The following RANBP2 variants were observed in gnomAD, a reference collection of about 807,000 sequenced individuals.
The protein encoded by RANBP2 is RAN binding protein 2, also known as E3 SUMO-protein ligase RanBP2.
A neutral mutation model predicts 303.6 loss-of-function variants in RANBP2; 57 were observed. The ratio of observed to expected loss-of-function variants is 0.19; its 90% CI spans 0.15 to 0.23. The LOEUF is 0.23. Ranked by LOEUF, RANBP2 falls within the 10% of genes least tolerant of loss-of-function variation. RANBP2 has a pLI of 1.00. For missense variants in RANBP2, 3,138 were observed against 3,780.8 expected, an observed-to-expected ratio of 0.83 and a Z score of 4.46; for synonymous variants, 1,167 against 1,301.5, an observed-to-expected ratio of 0.90 and a Z score of 2.23.
chr2:109,311,751 G>T, the RANBP2 span, among the ~76,000 whole-genome samples: 47,481 of 152,112 alleles, frequency 0.31, 9,196 homozygotes, highest in African/African-American at 0.55. Flanking sequence ...TGAAAAGGGC[G>T]CTAATTTCAA....
At chr2:108,748,808 T>C in intron 8 of RANBP2, 112 bp from the exon 9 acceptor site, 1 of 1,600,246 alleles carries the variant, frequency 6.2e-7, no homozygotes, top group Non-Finnish European at 8.5e-7. Context: ...GGTTGGAGGG[T>C]TAGGTATGCA....
chr2:108,842,156 T>TC, the RANBP2 span, among the ~76,000 whole-genome samples: 40 of 152,108 alleles, frequency 2.6e-4, no homozygotes, highest in African/African-American at 9.6e-4. Context: ...GCCTCCTGTG[T>TC]AGCTAGGATT....
the RANBP2 span, among the ~76,000 whole-genome samples, chr2:109,199,597 T>TCTTCC: frequency 3.6e-3 from 1 of 274 alleles, no homozygotes; most frequent in Non-Finnish European, 6.8e-3. Context: ...TGGAATGGAA[T>TCTTCC]GGAATGGAAT....
chr2:109,221,576 C>T, the RANBP2 span, among the ~76,000 whole-genome samples: 1 of 128,866 alleles, frequency 7.8e-6, no homozygotes, highest in South Asian at 2.4e-4. Flanking sequence ...GGTGAGACTC[C>T]ATCTCAAAAA....
the RANBP2 span, among the ~76,000 whole-genome samples, chr2:109,029,356 A>C: frequency 6.6e-6 from 1 of 151,988 alleles, no homozygotes; most frequent in South Asian, 2.1e-4. Flanking sequence ...CAGGAGAGGG[A>C]TGATGAGGGA....
the RANBP2 span, among the ~76,000 whole-genome samples, chr2:109,690,090 C>G: frequency 0.068 from 10,289 of 152,148 alleles, 452 homozygotes; most frequent in South Asian, 0.19. Context: ...ACTGTGAACC[C>G]TGAATGTATC....
the RANBP2 span, among the ~76,000 whole-genome samples, chr2:109,369,702 C>T: frequency 1.3e-5 from 2 of 152,194 alleles, no homozygotes; most frequent in Non-Finnish European, 2.9e-5. Flanking sequence ...AGAGCCCAGC[C>T]TGCCCTCCTT....
chr2:109,576,347 C>T, the RANBP2 span, among the ~76,000 whole-genome samples: 2 of 151,982 alleles, frequency 1.3e-5, no homozygotes, highest in African/African-American at 4.8e-5. Context: ...AATCATCCTG[C>T]CTTGGCCTCC....
chr2:109,544,150 T>C, the RANBP2 span: 1 of 1,551,306 alleles, frequency 6.4e-7, no homozygotes, highest in African/African-American at 1.4e-5. Flanking sequence ...GTATTGACCT[T>C]GTACTTGAAA....
At chr2:109,157,872 T>C in the RANBP2 span, among the ~76,000 whole-genome samples, 1 of 152,066 alleles carries the variant, frequency 6.6e-6, no homozygotes, top group African/African-American at 2.4e-5. Context: ...ACAGCTCTCC[T>C]AGGAGACCCT....
intron 25 of RANBP2, among the ~76,000 whole-genome samples, chr2:108,779,936 C>G (rs140488246): frequency 1.3e-5 from 2 of 152,022 alleles, no homozygotes; most frequent in Non-Finnish European, 2.9e-5. Flanking sequence ...CATGTTTAGG[C>G]CATTGTGGCT....
At chr2:108,921,343 A>T in the RANBP2 span, among the ~76,000 whole-genome samples, 1 of 152,212 alleles carries the variant, frequency 6.6e-6, no homozygotes, top group Admixed American at 6.5e-5. Context: ...TGTCATCCTC[A>T]GCCAGGGGCC....
At chr2:109,548,595 G>A in the RANBP2 span, among the ~76,000 whole-genome samples, 3 of 151,960 alleles carry the variant, frequency 2.0e-5, no homozygotes, top group African/African-American at 7.2e-5. Flanking sequence ...GGGCAACACG[G>A]GGAAACCCCG....
the RANBP2 span, among the ~76,000 whole-genome samples, chr2:109,471,909 A>G: frequency 6.6e-6 from 1 of 152,210 alleles, no homozygotes; most frequent in East Asian, 1.9e-4. Flanking sequence ...TCTAGAAGGC[A>G]GGGGCTGTGT....
chr2:109,570,408 CAACT>C, the RANBP2 span, among the ~76,000 whole-genome samples: 24 of 152,176 alleles, frequency 1.6e-4, no homozygotes, highest in Middle Eastern at 3.4e-3. Context: ...CAGATTCAAC[CAACT>C]GAGGATCAAA....
the RANBP2 span, chr2:109,613,899 C>T: frequency 2.6e-6 from 3 of 1,172,736 alleles, no homozygotes; most frequent in Non-Finnish European, 2.1e-6. Flanking sequence ...GCGACGGCGG[C>T]GGGAAGGCCG....
At chr2:108,870,368 T>TAGGAAAA in the RANBP2 span, among the ~76,000 whole-genome samples, 1 of 152,114 alleles carries the variant, frequency 6.6e-6, no homozygotes, top group African/African-American at 2.4e-5. Flanking sequence ...ACTTACGCAG[T>TAGGAAAA]ACCATCAGGC....
chr2:109,153,503 G>A, the RANBP2 span, among the ~76,000 whole-genome samples: 18 of 152,312 alleles, frequency 1.2e-4, no homozygotes, highest in East Asian at 3.3e-3. Flanking sequence ...GAAATATTAA[G>A]GTCAAAAGCA....
At chr2:108,914,576 A>G in the RANBP2 span, among the ~76,000 whole-genome samples, 1 of 152,242 alleles carries the variant, frequency 6.6e-6, no homozygotes, top group Non-Finnish European at 1.5e-5. Context: ...AGCCAAAACA[A>G]AAACATTCCA....
Sources: allele counts gnomAD v4.1 joint callset (sites outside exome capture counted in the v4.1 genomes callset), GRCh38; gene constraint gnomAD v4.1.1; transcripts MANE v1.5; gene names NCBI Gene and HGNC (gene_info 2026-07-23, HGNC 2026-07-21).